COX7B2: variants seen among roughly 807,000 people sequenced by gnomAD.
COX7B2 encodes cytochrome c oxidase subunit 7B2, also known as cytochrome c oxidase subunit 7B2, mitochondrial.
For missense variants in COX7B2, 109 were observed against 95.9 expected, an observed-to-expected ratio of 1.14 and a Z score of -0.57; for synonymous variants, 37 against 32.1, an observed-to-expected ratio of 1.15 and a Z score of -0.51.
chr4:46,757,610 C>A (rs1560358171), intron 2 of COX7B2, among the ~76,000 whole-genome samples: 1 of 152,012 alleles, frequency 6.6e-6, no homozygotes, highest in South Asian at 2.1e-4. Flanking sequence ...TTCTCTCGAG[C>A]CAAACTGTTC....
intron 1 of COX7B2, among the ~76,000 whole-genome samples, chr4:46,874,510 A>G (rs551511222): frequency 6.6e-6 from 1 of 152,242 alleles, no homozygotes; most frequent in South Asian, 2.1e-4. Context: ...TTTCTATTCC[A>G]TTTCTGTAAC....
chr4:46,761,864 C>T (rs1005626415), intron 2 of COX7B2, among the ~76,000 whole-genome samples: 1 of 151,452 alleles, frequency 6.6e-6, no homozygotes, highest in African/African-American at 2.4e-5. Context: ...AAAATTCCAC[C>T]GTCCATTAAG....
chr4:46,751,539 A>C (rs367831628), intron 2 of COX7B2, among the ~76,000 whole-genome samples: 1 of 152,148 alleles, frequency 6.6e-6, no homozygotes, highest in South Asian at 2.1e-4. Context: ...GAGATAAATA[A>C]AACAGATGCA....
intron 1 of COX7B2, among the ~76,000 whole-genome samples, chr4:46,890,919 T>C (rs1180743513): frequency 6.6e-6 from 1 of 152,134 alleles, no homozygotes; most frequent in Non-Finnish European, 1.5e-5. Context: ...TGGTCATGTG[T>C]AAAACATAAC....
rs955247572 is a variant in COX7B2, at chr4:46,762,354, C to T, written c.-49-27113G>A. 2.5e-4 allele frequency among the ~76,000 whole-genome samples: 25 copies of T among 98,040 alleles called. 1 individual carries two copies. In the South Asian group the frequency reaches 7.1e-3, roughly 28 times the overall value. 64.3% of individuals were successfully genotyped at this position (98,040 alleles called of 152,430 possible). A position where few individuals can be genotyped will look rare whatever the true frequency, so the allele number is the denominator to read the frequency against. The stretch of plus-strand genomic sequence containing the variant: ...ATATATTAATATATATTTATATATA[C>T]TATACATGTATATATACACAATACA... On this transcript the variant is annotated intron_variant, in intron 2 of 2. Transcript: ENST00000355591.
At position 46,908,738 on chromosome 4, in the gene COX7B2, CA is replaced by C. The variant is rs34388680; in HGVS notation, c.-105+421del. On this transcript the variant is annotated intron_variant, in intron 1 of 2. Transcript: ENST00000355591. ...GAAATGAAACAAAAAAGGAAAGTGG[CA>C]AAAAAAAAAAAAAAAAATCTGGCCG... Among the ~76,000 whole-genome samples, 320 of 121,050 alleles carry C rather than the reference CA, an allele frequency of 2.6e-3. 2 individuals carry two copies. Among genetic ancestry groups the C allele is most frequent in the African/African-American group, 6.8e-3 (209 of 30,912 alleles). 79.4% of individuals were successfully genotyped at this position (121,050 alleles called of 152,430 possible).
intron 2 of COX7B2, among the ~76,000 whole-genome samples, chr4:46,746,651 A>G (rs964500894): frequency 2.0e-5 from 3 of 152,168 alleles, no homozygotes; most frequent in African/African-American, 7.2e-5. Context: ...TATAAGTGTG[A>G]TACACTGCCC....
chr4:46,741,676 C>T (rs920907544), intron 2 of COX7B2, among the ~76,000 whole-genome samples: 3 of 152,050 alleles, frequency 2.0e-5, no homozygotes, highest in African/African-American at 7.2e-5. Context: ...TGATACAACT[C>T]AGATGAATCA....
chr4:46,888,301 C>CCATCCAGTTTCCTATTTCTAG (rs1345035092), intron 1 of COX7B2, among the ~76,000 whole-genome samples: 1 of 152,046 alleles, frequency 6.6e-6, no homozygotes, highest in East Asian at 1.9e-4. Flanking sequence ...AAATCTTGGC[C>CCATCCAGTTTCCTATTTCTAG]CATCCAGTTT....
At chr4:46,739,950 C>A (rs1169168789) in intron 2 of COX7B2, among the ~76,000 whole-genome samples, 1 of 151,972 alleles carries the variant, frequency 6.6e-6, no homozygotes, top group African/African-American at 2.4e-5. Flanking sequence ...TACTCACAAA[C>A]TTTGCTGTTG....
chr4:46,821,936 G>A (rs181295529), intron 2 of COX7B2, among the ~76,000 whole-genome samples: 13 of 151,934 alleles, frequency 8.6e-5, no homozygotes, highest in South Asian at 8.3e-4. Flanking sequence ...GTTTTGAGAC[G>A]GAGTCTCACT....
At chr4:46,820,651 G>A (rs867378219) in intron 2 of COX7B2, among the ~76,000 whole-genome samples, 9 of 151,730 alleles carry the variant, frequency 5.9e-5, no homozygotes, top group East Asian at 1.9e-4. Context: ...AACAAACCCC[G>A]TCTCTACTAA....
intron 2 of COX7B2, among the ~76,000 whole-genome samples, chr4:46,766,263 G>T (rs1027253853): frequency 6.6e-6 from 1 of 152,104 alleles, no homozygotes; most frequent in Non-Finnish European, 1.5e-5. Flanking sequence ...TTGTAATGGT[G>T]GTGTGTAAAA....
intron 1 of COX7B2, among the ~76,000 whole-genome samples, chr4:46,868,990 A>C (rs1717829836): frequency 6.6e-6 from 1 of 152,090 alleles, no homozygotes; most frequent in African/African-American, 2.4e-5. Context: ...TCCCATTATT[A>C]CTATGTGGGA....
At chr4:46,843,130 A>T (rs1716049002) in intron 2 of COX7B2, among the ~76,000 whole-genome samples, 1 of 152,018 alleles carries the variant, frequency 6.6e-6, no homozygotes, top group Non-Finnish European at 1.5e-5. Context: ...TATGGTTTTG[A>T]TTTGCATTTC....
chr4:46,745,938 G>T (rs1714996520), intron 2 of COX7B2, among the ~76,000 whole-genome samples: 1 of 151,802 alleles, frequency 6.6e-6, no homozygotes, highest in Non-Finnish European at 1.5e-5. Flanking sequence ...AGTCTAAAAG[G>T]GCACCCCTAA....
intron 2 of COX7B2, among the ~76,000 whole-genome samples, chr4:46,809,428 A>T (rs190316047): frequency 6.6e-6 from 1 of 151,770 alleles, no homozygotes; most frequent in Non-Finnish European, 1.5e-5. Context: ...CTTTCCTCTA[A>T]AACTGCTTTT....
intron 2 of COX7B2, among the ~76,000 whole-genome samples, chr4:46,815,111 G>A (rs904241409): frequency 1.3e-5 from 2 of 151,788 alleles, no homozygotes; most frequent in African/African-American, 4.8e-5. Flanking sequence ...GCTTGAGCCC[G>A]GGAGGTGGAG....
At chr4:46,871,547 C>A (rs1189310747) in intron 1 of COX7B2, among the ~76,000 whole-genome samples, 2 of 151,610 alleles carry the variant, frequency 1.3e-5, no homozygotes. Context: ...ACAGAGTAAA[C>A]AGCCTACAGA....
Sources: gnomAD v4.1 joint callset for allele counts (sites outside exome capture counted in the v4.1 genomes callset) on GRCh38, gnomAD v4.1.1 for gene constraint, MANE v1.5 for transcripts, NCBI Gene and HGNC (gene_info 2026-07-23, HGNC 2026-07-21) for gene names.